CCDC3: variants seen among roughly 807,000 people sequenced by gnomAD.
CCDC3 encodes coiled-coil domain-containing protein 3.
In CCDC3, 24 loss-of-function variants were observed where a neutral mutation model predicts 21.4. The observed-to-expected ratio is 1.12, with a 90% confidence interval of 0.81 to 1.58. CCDC3 has a LOEUF of 1.58. Among genes scored for constraint, CCDC3 ranks in the 40% most tolerant of loss-of-function variants. CCDC3 has a pLI of 0.00. For synonymous variants in CCDC3, 186 were observed against 166.0 expected (o/e 1.12, Z -0.93); for missense variants, 425 against 360.9 (o/e 1.18, Z -1.44).
chr10:13,079,918 A>AG (rs1161942493), intron 3 of CCDC3, among the ~76,000 whole-genome samples: 3 of 152,080 alleles, frequency 2.0e-5, no homozygotes, highest in Non-Finnish European at 4.4e-5. Flanking sequence ...AGACGAGGTT[A>AG]AAAAAAGAAA....
intron 3 of CCDC3, among the ~76,000 whole-genome samples, chr10:13,080,233 GAGAT>G (rs1837020896): frequency 2.0e-5 from 3 of 150,434 alleles, no homozygotes; most frequent in Admixed American, 6.6e-5. Context: ...AAATGAAAGA[GAGAT>G]AGAGGGAGAG....
At chr10:12,936,534 A>G (rs889919576) in intron 2 of CCDC3, among the ~76,000 whole-genome samples, 3 of 152,052 alleles carry the variant, frequency 2.0e-5, no homozygotes, top group Non-Finnish European at 4.4e-5. Context: ...GCCACTTTCA[A>G]TATTTTATCT....
chr10:13,022,305 G>A (rs1468559893), intron 5 of CCDC3, among the ~76,000 whole-genome samples: 2 of 152,174 alleles, frequency 1.3e-5, no homozygotes, highest in South Asian at 2.1e-4. Flanking sequence ...GTCAGGACCC[G>A]ATCTGAGAAT....
intron 2 of CCDC3, among the ~76,000 whole-genome samples, chr10:12,908,416 G>T (rs577900648): frequency 6.6e-5 from 10 of 152,128 alleles, no homozygotes; most frequent in Non-Finnish European, 1.3e-4. Context: ...GAGTGTCAAG[G>T]CTGCTCAGTT....
intron 2 of CCDC3, among the ~76,000 whole-genome samples, chr10:12,906,713 G>A (rs1169986016): frequency 1.3e-5 from 2 of 152,122 alleles, no homozygotes; most frequent in African/African-American, 4.8e-5. Flanking sequence ...TGTATACAAT[G>A]GGCCTAATAA....
In CCDC3 at chr10:12,900,799, A is replaced by G. The variant is rs147430286; in HGVS notation, c.550-2120T>C. On this transcript the variant is annotated intron_variant, in intron 2 of 2. Coordinates refer to ENST00000378825, the MANE Select transcript of CCDC3 (RefSeq NM_031455.4). ...CTGAGGCCAGGCTGCTTTGGTTTCC[A>G]GTCCTGCCTCTTCCACTGACGAGTG... Among the ~76,000 whole-genome samples, 17 of 151,892 alleles carry G rather than the reference A, an allele frequency of 1.1e-4. No homozygotes were observed. In the East Asian group the frequency reaches 3.3e-3, roughly 29 times the overall value.
At chr10:12,900,548 G>A (rs1285192737) in intron 2 of CCDC3, among the ~76,000 whole-genome samples, 16 of 148,284 alleles carry the variant, frequency 1.1e-4, no homozygotes, top group Middle Eastern at 3.5e-3. Context: ...AAAAAAAGCC[G>A]GGCGTCGTGG....
chr10:13,014,891 G>T (rs2131401061), intron 5 of CCDC3, among the ~76,000 whole-genome samples: 1 of 152,192 alleles, frequency 6.6e-6, no homozygotes, highest in Non-Finnish European at 1.5e-5. Context: ...TGGTAATTGT[G>T]CAAGAATCAA....
At chr10:13,099,845 C>A (rs532455851), upstream of CCDC3, 1 of 152,276 alleles carries the variant, frequency 6.6e-6, no homozygotes, top group Non-Finnish European at 1.5e-5. Context: ...GGAAGACGAA[C>A]TCCGCACACT....
rs1398576282 is a variant in CCDC3 at position 12,998,391 on chromosome 10, CT to C, written c.495del (p.Gln167SerfsTer55). 5 of 1,614,170 alleles carry C rather than the reference CT, an allele frequency of 3.1e-6. No homozygotes were observed. Among genetic ancestry groups the C allele is most frequent in the African/African-American group, 1.3e-5 (1 of 75,044 alleles). ...SSLFQFSNCS[Q>X]GQQLATFSSD... The stretch of plus-strand genomic sequence containing the variant: ...CTGGAGAAAGTCGCCAGCTGCTGCC[CT>C]TGCGAACAGTTTGAAAACTGGAAAA... On this transcript the variant is annotated frameshift_variant, in exon 2 of 3. Coordinates refer to ENST00000378825, the MANE Select transcript of CCDC3 (RefSeq NM_031455.4). LOFTEE classifies it high-confidence loss of function.
chr10:12,938,025 A>C (rs1262249976), intron 2 of CCDC3, among the ~76,000 whole-genome samples: 1 of 152,172 alleles, frequency 6.6e-6, no homozygotes, highest in Admixed American at 6.5e-5. Flanking sequence ...GCAGTATAGA[A>C]AAGAAGTCCT....
At chr10:12,960,994 G>C (rs1220088997) in intron 2 of CCDC3, among the ~76,000 whole-genome samples, 1 of 152,178 alleles carries the variant, frequency 6.6e-6, no homozygotes, top group South Asian at 2.1e-4. Context: ...GATAAAGTGG[G>C]CAAGAGGTAG....
intron 5 of CCDC3, among the ~76,000 whole-genome samples, chr10:13,047,081 G>T (rs547526144): frequency 6.6e-6 from 1 of 152,114 alleles, no homozygotes; most frequent in Admixed American, 6.6e-5. Flanking sequence ...CAGCTGTTAC[G>T]AAAGAGGAGA....
chr10:12,948,611 T>C (rs774678112), intron 2 of CCDC3, among the ~76,000 whole-genome samples: 7 of 151,964 alleles, frequency 4.6e-5, no homozygotes, highest in Non-Finnish European at 1.0e-4. Flanking sequence ...CATTGTCAAA[T>C]AGAGTTTGCC....
At chr10:13,001,730 C>T, upstream of CCDC3, 1 of 389,012 alleles carries the variant, frequency 2.6e-6, no homozygotes, top group South Asian at 1.1e-4. Flanking sequence ...CCCTGGCGCG[C>T]CACGCTTTAA....
At chr10:13,076,547 C>T (rs1297820060) in intron 3 of CCDC3, among the ~76,000 whole-genome samples, 1 of 152,196 alleles carries the variant, frequency 6.6e-6, no homozygotes, top group Non-Finnish European at 1.5e-5. Context: ...CTTTTAAAGA[C>T]TAACTTCCTT....
intron 2 of CCDC3, among the ~76,000 whole-genome samples, chr10:12,948,681 A>T (rs188365232): frequency 1.3e-5 from 2 of 151,274 alleles, no homozygotes; most frequent in Non-Finnish European, 2.9e-5. Flanking sequence ...TTGGTGACCA[A>T]CTGAAGACGA....
intron 2 of CCDC3, among the ~76,000 whole-genome samples, chr10:12,909,530 T>C (rs750895003): frequency 6.6e-6 from 1 of 152,194 alleles, no homozygotes; most frequent in Non-Finnish European, 1.5e-5. Context: ...TCTTGGGTCA[T>C]TGCTGTTGCC....
intron 5 of CCDC3, among the ~76,000 whole-genome samples, chr10:13,024,242 C>T (rs1229877393): frequency 6.6e-6 from 1 of 151,192 alleles, no homozygotes; most frequent in Non-Finnish European, 1.5e-5. Flanking sequence ...TTTTTCAGTC[C>T]AGGCTGATAT....
Sources: allele counts gnomAD v4.1 joint callset (sites outside exome capture counted in the v4.1 genomes callset), GRCh38; gene constraint gnomAD v4.1.1; transcripts MANE v1.5; gene names NCBI Gene and HGNC (gene_info 2026-07-23, HGNC 2026-07-21).